CYP19A1: variants seen among roughly 807,000 people sequenced by gnomAD.
CYP19A1 encodes the protein cytochrome P450 family 19 subfamily A member 1.
Under a neutral mutation model 44.4 loss-of-function variants are expected in CYP19A1, and 32 were observed. That is an observed-to-expected ratio of 0.72 (90% CI 0.54 to 0.97). CYP19A1 has a LOEUF of 0.97. CYP19A1 is among the 50% of genes least tolerant of loss of function. CYP19A1 has a pLI of 0.00. For missense variants in CYP19A1, 598 were observed against 637.8 expected, an observed-to-expected ratio of 0.94 and a Z score of 0.67; for synonymous variants, 212 against 215.6, an observed-to-expected ratio of 0.98 and a Z score of 0.14.
At chr15:51,295,134 GTGT>G (rs2035963990) in intron 1 of CYP19A1, among the ~76,000 whole-genome samples, 1 of 126,504 alleles carries the variant, frequency 7.9e-6, no homozygotes, top group African/African-American at 3.8e-5. Flanking sequence ...AATTAACAAC[GTGT>G]TTTTTTTTTT....
chr15:51,326,464 A>G (rs777320223), intron 1 of CYP19A1, among the ~76,000 whole-genome samples: 1 of 152,228 alleles, frequency 6.6e-6, no homozygotes, highest in Non-Finnish European at 1.5e-5. Flanking sequence ...TTCAACTACG[A>G]TAAAGTTGAG....
Position 51,222,494 on chromosome 15 carries a change from G to A in CYP19A1, c.483C>T (p.Val161=), listed in dbSNP as rs1397499715. The change falls in exon 5 of 10, where the codon GTC becomes GTT. Residue 161 remains valine (V), a synonymous_variant. Transcript: ENST00000396402. Reference sequence around the variant, plus strand: ...TTTTGAGGGATTCAGCACAGACTGTGACCATACGAACAAGGCCGGGGCCTG... The same window carrying A: ...TTTTGAGGGATTCAGCACAGACTGTAACCATACGAACAAGGCCGGGGCCTG... ...ALSGPGLVRM[V]TVCAESLKTH... is the part of the protein sequence containing the mutation. The A allele has an allele frequency of 1.9e-6, 3 of 1,614,032 alleles. No individual in the cohort carries two copies. The highest frequency in any genetic ancestry group is 2.2e-5 in the East Asian group (1 of 44,854).
At chr15:51,211,532 C>T (rs1566867291) in intron 9 of CYP19A1, 3 of 342,762 alleles carry the variant, frequency 8.8e-6, no homozygotes, top group Admixed American at 4.1e-5. Flanking sequence ...GCTGTCTTGT[C>T]CACATTTGGA....
intron 2 of CYP19A1, among the ~76,000 whole-genome samples, chr15:51,239,373 C>T (rs957587274): frequency 6.6e-6 from 1 of 152,242 alleles, no homozygotes; most frequent in South Asian, 2.1e-4. Context: ...TCACAATAGC[C>T]CCAAACTAAA....
intron 1 of CYP19A1, among the ~76,000 whole-genome samples, chr15:51,336,969 G>A (rs943127772): frequency 2.0e-5 from 3 of 150,910 alleles, no homozygotes; most frequent in Non-Finnish European, 4.4e-5. Flanking sequence ...GTATCAGGCA[G>A]GGCAGGCTAT....
At chr15:51,296,804 G>C (rs1354382125) in intron 1 of CYP19A1, among the ~76,000 whole-genome samples, 1 of 152,062 alleles carries the variant, frequency 6.6e-6, no homozygotes, top group African/African-American at 2.4e-5. Context: ...ATTCCTGTTT[G>C]TAAAATAAAT....
At position 51,304,890 on chromosome 15, in the gene CYP19A1, CTTT is replaced by C. The variant is rs545247348; in HGVS notation, c.-39+33602_-39+33604del. Reference sequence around the variant, plus strand: ...ATCCCTCAGGTAATTGTGTCTCTTCCTTTTTTTTTTTTTTTTTTTTTTTTTTGA... The same window carrying C: ...ATCCCTCAGGTAATTGTGTCTCTTCCTTTTTTTTTTTTTTTTTTTTTTTGA... On this transcript the variant is annotated intron_variant, in intron 1 of 9. Coordinates refer to ENST00000396402, the MANE Select transcript of CYP19A1 (RefSeq NM_000103.4). Among the ~76,000 whole-genome samples, 524 of 104,502 alleles carry C rather than the reference CTTT, an allele frequency of 5.0e-3. 4 individuals are homozygous for C. The highest frequency in any genetic ancestry group is 0.024 in the African/African-American group (505 of 20,800). 68.6% of individuals were successfully genotyped at this position (104,502 alleles called of 152,430 possible).
chr15:51,321,301 G>A (rs1454185398), intron 1 of CYP19A1, among the ~76,000 whole-genome samples: 1 of 151,918 alleles, frequency 6.6e-6, no homozygotes. Flanking sequence ...CACCCACCAT[G>A]CCCCTAGATC....
intron 1 of CYP19A1, among the ~76,000 whole-genome samples, chr15:51,299,992 T>G (rs1355882876): frequency 6.6e-6 from 1 of 152,186 alleles, no homozygotes; most frequent in Non-Finnish European, 1.5e-5. Context: ...CAGTTACATT[T>G]GTTTGAAAGC....
chr15:51,299,586 A>T (rs1387302039), intron 1 of CYP19A1, among the ~76,000 whole-genome samples: 1 of 152,222 alleles, frequency 6.6e-6, no homozygotes, highest in Non-Finnish European at 1.5e-5. Flanking sequence ...TGCAGACCTA[A>T]CTGTGCCTTT....
intron 1 of CYP19A1, among the ~76,000 whole-genome samples, chr15:51,319,180 C>T (rs528715630): frequency 1.1e-4 from 16 of 152,350 alleles, no homozygotes; most frequent in African/African-American, 3.4e-4. Context: ...CCCCTACACC[C>T]TTTCCCTTAA....
intron 1 of CYP19A1, among the ~76,000 whole-genome samples, chr15:51,264,257 T>C (rs1566902078): frequency 6.6e-6 from 1 of 151,958 alleles, no homozygotes; most frequent in Non-Finnish European, 1.5e-5. Context: ...TCCATGTGAG[T>C]GTGCTGAGGT....
chr15:51,295,376 C>T lies in CYP19A1; in HGVS notation c.-39+43119G>A, dbSNP rs2035973038. Reference sequence around the variant, plus strand: ...TTTCCTTAGGATCCTCTATTACCCGCTCCCCTCCATTCCTAGGCCCAGCCT... The same window carrying T: ...TTTCCTTAGGATCCTCTATTACCCGTTCCCCTCCATTCCTAGGCCCAGCCT... On this transcript the variant is annotated intron_variant, in intron 1 of 9. Coordinates refer to ENST00000396402, the MANE Select transcript of CYP19A1 (RefSeq NM_000103.4). Among the ~76,000 whole-genome samples the T allele has an allele frequency of 3.3e-5, 5 of 152,198 alleles. No individual in the cohort carries two copies. In the South Asian group the frequency reaches 1.0e-3, roughly 32 times the overall value.
At chr15:51,304,636 G>A (rs2036177608) in intron 1 of CYP19A1, among the ~76,000 whole-genome samples, 3 of 152,176 alleles carry the variant, frequency 2.0e-5, no homozygotes, top group South Asian at 4.1e-4. Context: ...AAGAAAAGTA[G>A]GTTGCAGATT....
rs781742620 is a variant in CYP19A1, at chr15:51,210,683, A to G, written c.*125T>C. The G allele has an allele frequency of 2.0e-4, 159 of 782,444 alleles. No homozygotes were observed. The highest frequency in any genetic ancestry group is 1.2e-3 in the Admixed American group (71 of 58,904). 48.5% of individuals were successfully genotyped at this position (782,444 alleles called of 1,614,324 possible). A position where few individuals can be genotyped will look rare whatever the true frequency, so the allele number is the denominator to read the frequency against. On this transcript the variant is annotated 3_prime_UTR_variant, in exon 10 of 10. Coordinates refer to ENST00000396402, the MANE Select transcript of CYP19A1 (RefSeq NM_000103.4). ...AGCTTGGTGACAACCCATAGGAGGT[A>G]TGCCTATAAAATGCCATGGGCCACT...
intron 6 of CYP19A1, 128 bp downstream of exon 6, chr15:51,218,413 T>A: frequency 7.2e-7 from 1 of 1,389,642 alleles, no homozygotes; most frequent in Admixed American, 2.6e-5. Flanking sequence ...AGCAACTTAA[T>A]CAACAGCTCC....
chr15:51,317,887 A>G lies in CYP19A1; in HGVS notation c.-39+20608T>C, dbSNP rs112559185. 3.0e-3 allele frequency among the ~76,000 whole-genome samples: 461 copies of G among 152,338 alleles called. 3 individuals carry two copies. Among genetic ancestry groups the G allele is most frequent in the African/African-American group, 0.011 (444 of 41,576 alleles). The stretch of plus-strand genomic sequence containing the variant: ...TTCTCCTGACACTTGGTCCAGTGCT[A>G]TCCTTCAATTCTGTGCTCTTTGAGA... On this transcript the variant is annotated intron_variant, in intron 1 of 9. Coordinates refer to ENST00000396402, the MANE Select transcript of CYP19A1 (RefSeq NM_000103.4).
intron 1 of CYP19A1, among the ~76,000 whole-genome samples, chr15:51,295,940 T>C (rs2035986521): frequency 6.6e-6 from 1 of 152,106 alleles, no homozygotes; most frequent in African/African-American, 2.4e-5. Flanking sequence ...TGGGAGCACA[T>C]GAACGTTCTC....
chr15:51,314,174 C>T (rs1294676071), intron 1 of CYP19A1: 2 of 152,106 alleles, frequency 1.3e-5, no homozygotes. Flanking sequence ...CATGTAGTCT[C>T]CCTGATGGGT....
Sources: allele counts gnomAD v4.1 joint callset (sites outside exome capture counted in the v4.1 genomes callset), GRCh38; gene constraint gnomAD v4.1.1; transcripts MANE v1.5; gene names NCBI Gene and HGNC (gene_info 2026-07-23, HGNC 2026-07-21).